ERP27: variants seen among roughly 807,000 people sequenced by gnomAD.
The protein encoded by ERP27 is endoplasmic reticulum resident protein 27.
A neutral mutation model predicts 27.7 loss-of-function variants in ERP27; 23 were observed. The ratio of observed to expected loss-of-function variants is 0.83; its 90% CI spans 0.60 to 1.18. The LOEUF (loss-of-function observed/expected upper bound fraction) is 1.18. Among genes scored for constraint, ERP27 ranks in the 50% most tolerant of loss-of-function variants. The pLI, the probability that ERP27 is intolerant of heterozygous loss-of-function variation, is 0.00. For missense variants in ERP27, 363 were observed against 327.9 expected (o/e 1.11, Z -0.83); for synonymous variants, 159 against 118.3 (o/e 1.34, Z -2.23).
chr12:14,916,060 A>T (rs1193263733), intron 5 of ERP27, among the ~76,000 whole-genome samples: 1 of 152,156 alleles, frequency 6.6e-6, no homozygotes, highest in Non-Finnish European at 1.5e-5. Context: ...AGAAAAGATC[A>T]CAATTTGGTG....
Position 14,917,270 on chromosome 12 carries a change from T to C in ERP27, c.484A>G (p.Ile162Val). ...VIGLFNSVIQ[I>V]HLLLIMNKAS... ...TTGTTCATTATCAGGAGGAGATGAATCTGAATTACGCTGTTGAATAACCCA... is the reference window on the plus strand; with the variant it reads ...TTGTTCATTATCAGGAGGAGATGAACCTGAATTACGCTGTTGAATAACCCA... The change falls in exon 5 of 7, where the codon ATT (isoleucine) becomes GTT (valine). Residue 162 changes from isoleucine to valine, a missense_variant. By Grantham distance (29) the Ile-to-Val change is conservative (BLOSUM62 3). Transcript: ENST00000266397. The C allele has an allele frequency of 6.2e-7, 1 of 1,614,152 alleles. No homozygotes were observed. The highest frequency in any genetic ancestry group is 2.2e-5 in the East Asian group (1 of 44,876).
intron 5 of ERP27, 24 bp from the exon 6 acceptor site, chr12:14,915,710 A>C: frequency 6.2e-7 from 1 of 1,606,830 alleles, no homozygotes; most frequent in South Asian, 1.1e-5. Flanking sequence ...AGTTTGAAAG[A>C]AAAAGTTCTA....
chr12:14,923,372 A>G (rs1311426362), intron 3 of ERP27, among the ~76,000 whole-genome samples: 3 of 151,524 alleles, frequency 2.0e-5, no homozygotes, highest in African/African-American at 7.3e-5. Flanking sequence ...TATTAAAAAA[A>G]TCTCTTAATA....
At chr12:14,921,250 G>A (rs936492373) in intron 3 of ERP27, among the ~76,000 whole-genome samples, 2 of 152,168 alleles carry the variant, frequency 1.3e-5, no homozygotes, top group African/African-American at 4.8e-5. Context: ...GATGTGGCAG[G>A]TGTCATCACA....
intron 6 of ERP27, 89 bp from the exon 7 acceptor site, chr12:14,914,871 A>T: frequency 9.8e-7 from 1 of 1,023,662 alleles, no homozygotes; most frequent in Non-Finnish European, 1.5e-6. Context: ...TTTTTATCTC[A>T]TGAACCCTGT....
intron 3 of ERP27, among the ~76,000 whole-genome samples, chr12:14,930,123 G>A (rs541919200): frequency 5.9e-5 from 9 of 152,010 alleles, no homozygotes; most frequent in African/African-American, 1.7e-4. Context: ...CATGGCACAC[G>A]TACACGATAT....
chr12:14,922,926 T>A (rs576572093), intron 3 of ERP27, among the ~76,000 whole-genome samples: 1 of 152,034 alleles, frequency 6.6e-6, no homozygotes, highest in East Asian at 1.9e-4. Context: ...AGTACAAAAA[T>A]TAGCTGGTGG....
intron 4 of ERP27, 104 bp from the exon 5 acceptor site, chr12:14,917,407 A>T: frequency 6.8e-7 from 1 of 1,470,704 alleles, no homozygotes; most frequent in Non-Finnish European, 9.3e-7. Context: ...AGAGCTGGCC[A>T]CTGGTAACAC....
At chr12:14,922,676 A>G (rs1863523704) in intron 3 of ERP27, among the ~76,000 whole-genome samples, 1 of 152,184 alleles carries the variant, frequency 6.6e-6, no homozygotes, top group African/African-American at 2.4e-5. Context: ...ATCTTTGACT[A>G]CACCAAGGTC....
At chr12:14,928,104 G>T (rs1266436098) in intron 3 of ERP27, among the ~76,000 whole-genome samples, 1 of 152,168 alleles carries the variant, frequency 6.6e-6, no homozygotes, top group African/African-American at 2.4e-5. Flanking sequence ...TCACTTTTGA[G>T]ATCCTTAGGC....
intron 5 of ERP27, 22 bp from the exon 6 acceptor site, chr12:14,915,708 A>G (rs1449595055): frequency 1.1e-5 from 17 of 1,608,226 alleles, no homozygotes; most frequent in Non-Finnish European, 1.4e-5. Context: ...GAAGTTTGAA[A>G]GAAAAAGTTC....
chr12:14,936,700 A>G (rs1421430255), intron 2 of ERP27, among the ~76,000 whole-genome samples: 1 of 151,868 alleles, frequency 6.6e-6, no homozygotes, highest in Admixed American at 6.5e-5. Flanking sequence ...GAGTCACAAG[A>G]TCTGATGGTT....
chr12:14,931,772 C>T (rs1009724879), intron 3 of ERP27, among the ~76,000 whole-genome samples: 2 of 151,854 alleles, frequency 1.3e-5, no homozygotes, highest in Non-Finnish European at 2.9e-5. Context: ...TCCCCATGTG[C>T]GTATCTTGGT....
intron 3 of ERP27, among the ~76,000 whole-genome samples, chr12:14,931,433 G>C (rs1244635661): frequency 6.7e-6 from 1 of 149,532 alleles, no homozygotes; most frequent in Admixed American, 6.7e-5. Context: ...CTAAAGTTTT[G>C]AAAGTGTAAA....
At chr12:14,923,842 T>C (rs1387620952) in intron 3 of ERP27, among the ~76,000 whole-genome samples, 1 of 152,242 alleles carries the variant, frequency 6.6e-6, no homozygotes, top group Admixed American at 6.5e-5. Context: ...TCAAATATTC[T>C]TTGTGATGAG....
At chr12:14,931,715 G>A (rs771714736) in intron 3 of ERP27, among the ~76,000 whole-genome samples, 6 of 152,022 alleles carry the variant, frequency 3.9e-5, no homozygotes, top group Non-Finnish European at 7.3e-5. Context: ...CCTGTTAGAG[G>A]ATGTTAAACC....
At chr12:14,929,230 C>T (rs879385404) in intron 3 of ERP27, 4 of 989,248 alleles carry the variant, frequency 4.0e-6, no homozygotes, top group Non-Finnish European at 5.3e-6. Flanking sequence ...TGTTTCTGGA[C>T]TTAAAGAATG....
chr12:14,921,036 G>T lies in ERP27; in HGVS notation c.346C>A (p.Gln116Lys), dbSNP rs1236520493. 1 of 1,613,578 alleles carries T rather than the reference G, an allele frequency of 6.2e-7. No homozygotes were observed. Among genetic ancestry groups the T allele is most frequent in the Non-Finnish European group, 8.5e-7 (1 of 1,179,568 alleles). Residue 116 changes from glutamine (Q) to lysine (K), a missense_variant, in exon 4 of 7, where the codon CAA becomes AAA. Coordinates refer to ENST00000266397, the MANE Select transcript of ERP27 (RefSeq NM_152321.4). ...ICLFRLVDNE[Q>K]LNLEDEDIES... ...ATGTCTTCGTCCTCTAAATTCAGTT[G>T]TTCATTGTCTACCTGGATAACACAA...
chr12:14,923,481 T>A (rs1454727210), intron 3 of ERP27, among the ~76,000 whole-genome samples: 2 of 140,640 alleles, frequency 1.4e-5, no homozygotes, highest in African/African-American at 5.3e-5. Flanking sequence ...AATATCTATC[T>A]ATCTATAATC....
Sources: allele counts gnomAD v4.1 joint callset (sites outside exome capture counted in the v4.1 genomes callset), GRCh38; gene constraint gnomAD v4.1.1; transcripts MANE v1.5; gene names NCBI Gene and HGNC (gene_info 2026-07-23, HGNC 2026-07-21).